TMEM132C: variants seen among roughly 807,000 people sequenced by gnomAD.
The protein encoded by TMEM132C is protein phosphatase 1, regulatory subunit 152.
In TMEM132C, 29 loss-of-function variants were observed where a neutral mutation model predicts 61.4. That is an observed-to-expected ratio of 0.47 (90% confidence interval 0.35 to 0.64). TMEM132C has a LOEUF of 0.64. Ranked by LOEUF, TMEM132C falls within the 30% of genes least tolerant of loss-of-function variation. The probability of loss-of-function intolerance (pLI) is 0.00; values close to 1 mark genes in which losing one functional copy is unlikely to be tolerated. For missense variants in TMEM132C, 1,408 were observed against 1,476.9 expected, an observed-to-expected ratio of 0.95 and a Z score of 0.76; for synonymous variants, 656 against 633.1, an observed-to-expected ratio of 1.04 and a Z score of -0.54.
intron 4 of TMEM132C, among the ~76,000 whole-genome samples, chr12:128,641,837 G>A (rs558719278): frequency 1.3e-5 from 2 of 151,510 alleles, no homozygotes; most frequent in East Asian, 1.9e-4. Context: ...CTCTGTCACC[G>A]AGGCTGGAGT....
Position 128,386,637 on chromosome 12 carries a change from C to T in TMEM132C, c.86-28095C>T, listed in dbSNP as rs537838467. On this transcript the variant is annotated intron_variant, in intron 1 of 8. Transcript: ENST00000435159. ...CCCACTCTGGGCTGGGATTGTTCTA[C>T]ACGTGTGACAGGCGTTAAGTCCTCC... Among the ~76,000 whole-genome samples the T allele has an allele frequency of 9.2e-5, 14 of 152,318 alleles. 1 individual carries two copies. Among genetic ancestry groups the T allele is most frequent in the Non-Finnish European group, 1.3e-4 (9 of 68,034 alleles).
rs900272390 is a variant in TMEM132C, at chr12:128,366,271, G to A, written c.86-48461G>A. 4.6e-5 allele frequency among the ~76,000 whole-genome samples: 7 copies of A among 152,128 alleles called. No homozygotes were observed. In the South Asian group the frequency reaches 6.2e-4, roughly 14 times the overall value. ...TTTTTACCTCCCCTGTCCCCTACCC[G>A]GTTTTCTAGCCTTTGAGGGAACTGT... On this transcript the variant is annotated intron_variant, in intron 1 of 8. Transcript: ENST00000435159.
chr12:128,437,111 A>T (rs1020570133), intron 2 of TMEM132C, among the ~76,000 whole-genome samples: 3 of 152,142 alleles, frequency 2.0e-5, no homozygotes, highest in African/African-American at 2.4e-5. Flanking sequence ...ACACTTGGAC[A>T]CAGGGCGGGG....
At chr12:128,667,463 C>T (rs1395657946) in intron 4 of TMEM132C, among the ~76,000 whole-genome samples, 1 of 152,104 alleles carries the variant, frequency 6.6e-6, no homozygotes. Flanking sequence ...TCCAGGAATC[C>T]CACGGACCCA....
intron 1 of TMEM132C, among the ~76,000 whole-genome samples, chr12:128,332,119 A>G (rs1872679817): frequency 6.6e-6 from 1 of 152,180 alleles, no homozygotes; most frequent in African/African-American, 2.4e-5. Flanking sequence ...ATGGGCATGT[A>G]TGGTATTTTG....
At chr12:128,508,632 C>A (rs1466061416) in intron 2 of TMEM132C, among the ~76,000 whole-genome samples, 1 of 152,236 alleles carries the variant, frequency 6.6e-6, no homozygotes, top group Non-Finnish European at 1.5e-5. Context: ...CTCCGGATGC[C>A]ACCAGTGCCT....
intron 3 of TMEM132C, among the ~76,000 whole-genome samples, chr12:128,598,183 A>G (rs1876039526): frequency 6.6e-6 from 1 of 152,196 alleles, no homozygotes; most frequent in African/African-American, 2.4e-5. Context: ...TTGGGAGGCC[A>G]AGGCAGGCAG....
At chr12:128,368,620 A>G (rs1303505874) in intron 1 of TMEM132C, among the ~76,000 whole-genome samples, 1 of 152,266 alleles carries the variant, frequency 6.6e-6, no homozygotes, top group Non-Finnish European at 1.5e-5. Flanking sequence ...AGGTATGCCC[A>G]GATGCCCTTG....
At chr12:128,329,656 G>C (rs1453884800) in intron 1 of TMEM132C, among the ~76,000 whole-genome samples, 1 of 152,086 alleles carries the variant, frequency 6.6e-6, no homozygotes, top group Non-Finnish European at 1.5e-5. Context: ...GCGGAGGTCT[G>C]GCCGTGCTGC....
At chr12:128,634,028 G>A (rs1954082178) in intron 4 of TMEM132C, among the ~76,000 whole-genome samples, 1 of 152,234 alleles carries the variant, frequency 6.6e-6, no homozygotes, top group Non-Finnish European at 1.5e-5. Flanking sequence ...AGTTCAGGAA[G>A]TGAACAAAAT....
chr12:128,565,199 G>A (rs1874653625), intron 3 of TMEM132C, among the ~76,000 whole-genome samples: 2 of 152,158 alleles, frequency 1.3e-5, no homozygotes, highest in Admixed American at 1.3e-4. Context: ...GAAGCTGCCA[G>A]CCCAATAGCC....
intron 2 of TMEM132C, among the ~76,000 whole-genome samples, chr12:128,493,234 G>A (rs1217652880): frequency 1.3e-5 from 2 of 152,208 alleles, no homozygotes; most frequent in African/African-American, 4.8e-5. Context: ...CCAGTACCAT[G>A]CTGTTTTGGT....
chr12:128,397,081 G>C (rs781640398), intron 1 of TMEM132C, among the ~76,000 whole-genome samples: 1 of 152,146 alleles, frequency 6.6e-6, no homozygotes, highest in Non-Finnish European at 1.5e-5. Context: ...CCATACATCA[G>C]CAGCTGTGAC....
intron 4 of TMEM132C, among the ~76,000 whole-genome samples, chr12:128,636,553 T>G (rs1016866147): frequency 1.5e-5 from 2 of 137,174 alleles, no homozygotes; most frequent in Non-Finnish European, 3.1e-5. Flanking sequence ...TTTTGTTTTT[T>G]GGGTTTTTGT....
intron 1 of TMEM132C, among the ~76,000 whole-genome samples, chr12:128,369,835 G>A (rs1003525057): frequency 1.3e-5 from 2 of 152,156 alleles, no homozygotes; most frequent in African/African-American, 2.4e-5. Flanking sequence ...TTGTGCACAC[G>A]TTTTGGTTCC....
chr12:128,510,924 TCACCCACCGATGTC>T (rs927773836), intron 2 of TMEM132C, among the ~76,000 whole-genome samples: 1 of 152,198 alleles, frequency 6.6e-6, no homozygotes, highest in African/African-American at 2.4e-5. Flanking sequence ...TGTGTGCCGC[TCACCCACCGATGTC>T]CACGTTGCTT....
rs535072835 is a variant in TMEM132C at position 128,298,558 on chromosome 12, C to T, written c.85+31071C>T. ...CGACTCACAGCCAGGAAACCAGCATCGGCAGGTGCCTGCATAATTCTTTGC... is the reference window on the plus strand; with the variant it reads ...CGACTCACAGCCAGGAAACCAGCATTGGCAGGTGCCTGCATAATTCTTTGC... On this transcript the variant is annotated intron_variant, in intron 1 of 8. Coordinates refer to ENST00000435159, the MANE Select transcript of TMEM132C (RefSeq NM_001136103.3). Among the ~76,000 whole-genome samples, 9 of 152,322 alleles carry T rather than the reference C, an allele frequency of 5.9e-5. No homozygotes were observed. In the South Asian group the frequency reaches 1.5e-3, roughly 25 times the overall value.
At chr12:128,320,021 AAAAG>A (rs1479423158) in intron 1 of TMEM132C, among the ~76,000 whole-genome samples, 9 of 152,126 alleles carry the variant, frequency 5.9e-5, no homozygotes, top group African/African-American at 9.7e-5. Flanking sequence ...AGGATATTGA[AAAAG>A]AAAGAAAGAA....
chr12:128,427,073 G>C (rs113162524), intron 2 of TMEM132C, among the ~76,000 whole-genome samples: 6 of 152,244 alleles, frequency 3.9e-5, no homozygotes, highest in African/African-American at 1.4e-4. Flanking sequence ...CCAGTATTCT[G>C]GGTACTAAGG....
Sources: gnomAD v4.1 joint callset for allele counts (sites outside exome capture counted in the v4.1 genomes callset) on GRCh38, gnomAD v4.1.1 for gene constraint, MANE v1.5 for transcripts, NCBI Gene and HGNC (gene_info 2026-07-23, HGNC 2026-07-21) for gene names.